CEMIP: variants seen among roughly 807,000 people sequenced by gnomAD.
CEMIP encodes cell migration-inducing and hyaluronan-binding protein.
Under a neutral mutation model 156.9 loss-of-function variants are expected in CEMIP, and 105 were observed. The ratio of observed to expected loss-of-function variants is 0.67; its 90% CI spans 0.57 to 0.79. The LOEUF is 0.79. Among genes scored for constraint, CEMIP ranks in the 30% least tolerant of loss-of-function variants. The pLI is 0.00. For missense variants in CEMIP, 1,457 were observed against 1,769.4 expected, an observed-to-expected ratio of 0.82 and a Z score of 3.17; for synonymous variants, 676 against 668.4, an observed-to-expected ratio of 1.01 and a Z score of -0.17.
intron 12 of CEMIP, among the ~76,000 whole-genome samples, chr15:80,904,522 G>A (rs1053125287): frequency 5.9e-5 from 9 of 152,180 alleles, no homozygotes; most frequent in African/African-American, 2.2e-4. Context: ...GGTAAATTAA[G>A]GTTCTGGAGA....
chr15:80,948,736 G>A (rs535505818), intron 29 of CEMIP, 61 bp from the exon 30 acceptor site: 50 of 1,611,164 alleles, frequency 3.1e-5, no homozygotes, highest in East Asian at 2.2e-5. Flanking sequence ...GCCATGGAAC[G>A]GGGTGGGGCA....
chr15:80,879,578 C>A, intron 4 of CEMIP, 138 bp from the exon 5 acceptor site: 1 of 992,292 alleles, frequency 1.0e-6, no homozygotes. Flanking sequence ...GTACACCAAG[C>A]ATAGGAATGT....
chr15:80,922,160 T>C, intron 17 of CEMIP, 23 bp downstream of exon 17: 5 of 1,613,744 alleles, frequency 3.1e-6, no homozygotes, highest in Non-Finnish European at 4.2e-6. Flanking sequence ...AGGCTGCGCC[T>C]CTCTGGCCAG....
chr15:80,948,706 TG>T, intron 29 of CEMIP, 90 bp from the exon 30 acceptor site: 10 of 1,559,906 alleles, frequency 6.4e-6, no homozygotes, highest in Non-Finnish European at 8.8e-6. Context: ...CTGGTGGGCG[TG>T]GGGGGCTGGC....
intron 14 of CEMIP, among the ~76,000 whole-genome samples, chr15:80,911,309 A>G (rs2141898667): frequency 6.6e-6 from 1 of 152,346 alleles, no homozygotes; most frequent in Middle Eastern, 3.4e-3. Flanking sequence ...GGTGAAGAGA[A>G]CAATGTAGAA....
chr15:80,884,590 T>TATATGA (rs1307623589), intron 7 of CEMIP, among the ~76,000 whole-genome samples: 1 of 152,272 alleles, frequency 6.6e-6, no homozygotes, highest in Non-Finnish European at 1.5e-5. Context: ...GCTCGCTGTT[T>TATATGA]ATATGAACTC....
rs1328522253 is a variant in CEMIP at position 80,941,883 on chromosome 15, A to G, written c.3442A>G (p.Arg1148Gly). The G allele has an allele frequency of 6.2e-7, 1 of 1,613,980 alleles. No homozygotes were observed. Residue 1148 changes from arginine (R) to glycine (G), a missense_variant, in exon 26 of 30, where the codon AGA (arginine) becomes GGA (glycine). By Grantham distance (125) the Arg-to-Gly change is moderately radical. This residue lies in a region of CEMIP where 798 missense variants were observed against 980.1 expected (regional missense o/e 0.81). Coordinates refer to ENST00000394685, the MANE Select transcript of CEMIP (RefSeq NM_001293298.2). ...LFLKLKAQNEREKFAFCSMKG... is the reference protein window; with the variant it reads ...LFLKLKAQNEGEKFAFCSMKG... ...CCTGAAGCTGAAAGCTCAGAACGAG[A>G]GAGAGAAGTTTGCTTTCTGCTCCAT... is the stretch of plus-strand genomic sequence containing the variant.
intron 14 of CEMIP, among the ~76,000 whole-genome samples, chr15:80,912,333 G>A (rs1365515039): frequency 6.6e-6 from 1 of 152,228 alleles, no homozygotes; most frequent in Non-Finnish European, 1.5e-5. Flanking sequence ...CTCAGAACCA[G>A]AAGACCCTTG....
At chr15:80,912,747 C>T (rs1265057009) in intron 14 of CEMIP, among the ~76,000 whole-genome samples, 1 of 152,192 alleles carries the variant, frequency 6.6e-6, no homozygotes, top group Non-Finnish European at 1.5e-5. Context: ...CAGAGATTTC[C>T]ACATTCGGAG....
intron 14 of CEMIP, among the ~76,000 whole-genome samples, chr15:80,913,195 C>T (rs1019138232): frequency 3.9e-5 from 6 of 152,128 alleles, no homozygotes; most frequent in South Asian, 4.1e-4. Flanking sequence ...CTAATTCCCC[C>T]GTGGGCAGCC....
At chr15:80,881,596 G>A (rs1005583021) in intron 6 of CEMIP, among the ~76,000 whole-genome samples, 1 of 152,224 alleles carries the variant, frequency 6.6e-6, no homozygotes, top group African/African-American at 2.4e-5. Flanking sequence ...AAGGCCACCA[G>A]AGTTGTGGGA....
At chr15:80,914,466 G>A (rs965009630) in intron 14 of CEMIP, among the ~76,000 whole-genome samples, 11 of 152,304 alleles carry the variant, frequency 7.2e-5, no homozygotes, top group African/African-American at 2.6e-4. Context: ...TGCAGGTTGT[G>A]CCCTGCACTG....
chr15:80,863,632 A>G (rs1195834026), intron 1 of CEMIP, among the ~76,000 whole-genome samples: 1 of 152,236 alleles, frequency 6.6e-6, no homozygotes, highest in Non-Finnish European at 1.5e-5. Context: ...CAAATTATGC[A>G]TTTCAAAAGC....
intron 12 of CEMIP, chr15:80,900,858 T>C: frequency 2.2e-6 from 1 of 448,834 alleles, no homozygotes; most frequent in Non-Finnish European, 4.5e-6. Context: ...CTTAGGCTTC[T>C]CTTCCCCAGG....
chr15:80,836,393 C>G (rs1373570436), intron 1 of CEMIP, among the ~76,000 whole-genome samples: 1 of 151,904 alleles, frequency 6.6e-6, no homozygotes, highest in Non-Finnish European at 1.5e-5. Flanking sequence ...ATTGTTTCGC[C>G]AGTGTCTGGC....
chr15:80,928,946 A>C lies in CEMIP; in HGVS notation c.2456+9A>C. The C allele has an allele frequency of 6.2e-7, 1 of 1,614,216 alleles. No individual in the cohort carries two copies. Among genetic ancestry groups the C allele is most frequent in the Non-Finnish European group, 8.5e-7 (1 of 1,180,042 alleles). On this transcript the variant is annotated intron_variant, in intron 20 of 29. Transcript: ENST00000394685. Reference sequence around the variant, plus strand: ...GGCCTGACCCTGGCCAGGTAAGGGCAACTGTCATTGTACTTGGTCCTCTGT... The same window carrying C: ...GGCCTGACCCTGGCCAGGTAAGGGCCACTGTCATTGTACTTGGTCCTCTGT...
intron 1 of CEMIP, among the ~76,000 whole-genome samples, chr15:80,843,831 C>A (rs1897486559): frequency 6.6e-6 from 1 of 152,178 alleles, no homozygotes; most frequent in African/African-American, 2.4e-5. Flanking sequence ...TGTCAAAAGA[C>A]AGGTCTGCCC....
At chr15:80,947,834 T>C (rs12323944) in intron 29 of CEMIP, 4,186 of 152,372 alleles carry the variant, frequency 0.027, 195 homozygotes, top group African/African-American at 0.096. Context: ...CCATTTAAGA[T>C]GAGGACACCA....
At chr15:80,820,341 T>C (rs1896881144) in intron 1 of CEMIP, among the ~76,000 whole-genome samples, 1 of 152,212 alleles carries the variant, frequency 6.6e-6, no homozygotes, top group Non-Finnish European at 1.5e-5. Context: ...GAGCCCAGTA[T>C]TCCTTTGGCC....
Sources: gnomAD v4.1 joint callset for allele counts (sites outside exome capture counted in the v4.1 genomes callset) on GRCh38, gnomAD v4.1.1 for gene constraint, gnomAD v4.1.1 regional missense constraint, MANE v1.5 for transcripts, NCBI Gene and HGNC (gene_info 2026-07-23, HGNC 2026-07-21) for gene names.